GRID2: variants seen among roughly 807,000 people sequenced by gnomAD.
The protein encoded by GRID2 is glutamate ionotropic receptor delta type subunit 2.
GRID2 carries 33 observed loss-of-function variants against 114.8 expected under a neutral mutation model. That is an observed-to-expected ratio of 0.29 (90% CI 0.22 to 0.38). The LOEUF is 0.38. GRID2 is among the 10% of genes least tolerant of loss of function. GRID2 has a pLI of 1.00. For synonymous variants in GRID2, 505 were observed against 449.9 expected (o/e 1.12, Z -1.55); for missense variants, 1,184 against 1,257.7 (o/e 0.94, Z 0.89).
intron 4 of GRID2, among the ~76,000 whole-genome samples, chr4:93,120,704 A>G (rs1199659578): frequency 6.6e-6 from 1 of 152,172 alleles, no homozygotes; most frequent in Non-Finnish European, 1.5e-5. Flanking sequence ...CTGTAATCCC[A>G]GCACTTTGGG....
intron 14 of GRID2, among the ~76,000 whole-genome samples, chr4:93,697,393 A>C (rs1727110385): frequency 6.6e-6 from 1 of 152,130 alleles, no homozygotes; most frequent in Admixed American, 6.6e-5. Flanking sequence ...CATCAAGTTT[A>C]AGAACTCAGG....
At position 93,488,546 on chromosome 4, in the gene GRID2, A is replaced by G. The variant is rs546035755; in HGVS notation, c.1859-2093A>G. 2.6e-5 allele frequency among the ~76,000 whole-genome samples: 4 copies of G among 152,096 alleles called. No individual in the cohort carries two copies. The East Asian group carries it at 7.8e-4, about 30-fold the overall frequency. The stretch of plus-strand genomic sequence containing the variant: ...TTCACGTATTGATAGAACTACATGA[A>G]AGTAGTATTGTATCTCTTTATTTCC... On this transcript the variant is annotated intron_variant, in intron 11 of 15. Coordinates refer to ENST00000282020, the MANE Select transcript of GRID2 (RefSeq NM_001510.4).
chr4:93,300,524 G>T (rs1754750538), intron 8 of GRID2, among the ~76,000 whole-genome samples: 1 of 152,156 alleles, frequency 6.6e-6, no homozygotes, highest in African/African-American at 2.4e-5. Flanking sequence ...TTTTACCCAT[G>T]TCAGCTTTTG....
At chr4:92,451,193 T>A (rs1039842659) in intron 1 of GRID2, among the ~76,000 whole-genome samples, 1 of 152,066 alleles carries the variant, frequency 6.6e-6, no homozygotes, top group African/African-American at 2.4e-5. Context: ...AAAGAAAGAA[T>A]GTACATTGGT....
At position 92,362,460 on chromosome 4, in the gene GRID2, C is replaced by A. The variant is rs183146430; in HGVS notation, c.88+57716C>A. Among the ~76,000 whole-genome samples the A allele has an allele frequency of 3.9e-5, 6 of 152,016 alleles. No homozygotes were observed. In the East Asian group the frequency reaches 1.2e-3, roughly 29 times the overall value. ...TTTCTAAAATTATTTTGAAATACTG[C>A]AGAATGTCTGTAGCATGTATTTTCC... On this transcript the variant is annotated intron_variant, in intron 1 of 15. Coordinates refer to ENST00000282020, the MANE Select transcript of GRID2 (RefSeq NM_001510.4).
intron 2 of GRID2, among the ~76,000 whole-genome samples, chr4:92,831,718 G>C (rs1379837627): frequency 6.6e-6 from 1 of 151,936 alleles, no homozygotes; most frequent in Non-Finnish European, 1.5e-5. Flanking sequence ...TTAGCTGGGG[G>C]TGGTGGTACA....
intron 2 of GRID2, among the ~76,000 whole-genome samples, chr4:92,675,780 T>G (rs1733323835): frequency 6.6e-6 from 1 of 151,990 alleles, no homozygotes; most frequent in African/African-American, 2.4e-5. Context: ...GGTTTCGATC[T>G]CCTGAACTCG....
chr4:92,536,973 G>A (rs1725669012), intron 1 of GRID2, among the ~76,000 whole-genome samples: 1 of 152,126 alleles, frequency 6.6e-6, no homozygotes, highest in Non-Finnish European at 1.5e-5. Context: ...CAAAAGAACA[G>A]TAGAATTGTA....
intron 2 of GRID2, among the ~76,000 whole-genome samples, chr4:93,006,013 TC>T (rs1409064240): frequency 2.6e-5 from 4 of 152,098 alleles, no homozygotes; most frequent in African/African-American, 9.7e-5. Context: ...CTTGGATTTC[TC>T]CTAAATCAAA....
intron 12 of GRID2, among the ~76,000 whole-genome samples, chr4:93,510,080 T>C (rs1429036226): frequency 6.6e-6 from 1 of 152,150 alleles, no homozygotes; most frequent in South Asian, 2.1e-4. Context: ...CCTATTTGTC[T>C]CTTTTCCACT....
intron 2 of GRID2, among the ~76,000 whole-genome samples, chr4:92,750,846 T>G (rs931152107): frequency 6.6e-6 from 1 of 152,236 alleles, no homozygotes; most frequent in Non-Finnish European, 1.5e-5. Context: ...CTTGAAAATA[T>G]ATACATACAT....
chr4:92,673,411 G>T (rs1404362083), intron 2 of GRID2, among the ~76,000 whole-genome samples: 3 of 152,064 alleles, frequency 2.0e-5, no homozygotes, highest in African/African-American at 7.2e-5. Flanking sequence ...TTGTTGTTTA[G>T]ATAAATGAGG....
chr4:92,459,726 A>T (rs535563433), intron 1 of GRID2, among the ~76,000 whole-genome samples: 1 of 151,972 alleles, frequency 6.6e-6, no homozygotes, highest in African/African-American at 2.4e-5. Flanking sequence ...CTATGTCAAG[A>T]TACCCAAGTG....
At chr4:92,910,382 C>T (rs541027924) in intron 2 of GRID2, among the ~76,000 whole-genome samples, 44 of 152,148 alleles carry the variant, frequency 2.9e-4, no homozygotes, top group African/African-American at 8.7e-4. Flanking sequence ...CATAGGATTA[C>T]GATGTCTGTG....
chr4:92,423,314 G>C (rs1042300968), intron 1 of GRID2, among the ~76,000 whole-genome samples: 1 of 152,168 alleles, frequency 6.6e-6, no homozygotes, highest in African/African-American at 2.4e-5. Context: ...AGTATTTGCA[G>C]AGATGAGTAA....
chr4:93,722,079 G>T (rs575606943), intron 14 of GRID2, among the ~76,000 whole-genome samples: 1 of 151,220 alleles, frequency 6.6e-6, no homozygotes, highest in Non-Finnish European at 1.5e-5. Context: ...CCACCACGCC[G>T]GGCTAATATT....
intron 14 of GRID2, among the ~76,000 whole-genome samples, chr4:93,697,345 A>G (rs1727106922): frequency 6.6e-6 from 1 of 152,134 alleles, no homozygotes; most frequent in South Asian, 2.1e-4. Flanking sequence ...TATCATTCCA[A>G]TTCTTGTGAA....
At chr4:93,369,991 A>C (rs1385092601) in intron 8 of GRID2, among the ~76,000 whole-genome samples, 1 of 152,038 alleles carries the variant, frequency 6.6e-6, no homozygotes, top group Non-Finnish European at 1.5e-5. Flanking sequence ...TGTCCTCAAG[A>C]TCTCCCCAGT....
At position 92,304,828 on chromosome 4, in the gene GRID2, C is replaced by A. The variant is rs950591420; in HGVS notation, c.88+84C>A. On this transcript the variant is annotated intron_variant, in intron 1 of 15. Transcript: ENST00000282020. ...CCCCTTCGCTTTCCCCCTCTCCGGT[C>A]TCTGTGTGTCTTGTTGGAGGTGGCT... The A allele has an allele frequency of 4.9e-5, 47 of 950,592 alleles. 2 individuals carry two copies. The South Asian group carries it at 5.9e-4, about 12-fold the overall frequency. 58.9% of individuals were successfully genotyped at this position (950,592 alleles called of 1,614,324 possible).
Sources: allele counts gnomAD v4.1 joint callset (sites outside exome capture counted in the v4.1 genomes callset), GRCh38; gene constraint gnomAD v4.1.1; transcripts MANE v1.5; gene names NCBI Gene and HGNC (gene_info 2026-07-23, HGNC 2026-07-21).